OTOGL: variants seen among roughly 807,000 people sequenced by gnomAD.
OTOGL encodes otogelin-like protein.
In OTOGL, 285 loss-of-function variants were observed where a neutral mutation model predicts 318.5. The observed-to-expected ratio is 0.89, with a 90% CI of 0.81 to 0.99. The LOEUF is 0.99. Among genes scored for constraint, OTOGL ranks in the 50% least tolerant of loss-of-function variants. OTOGL has a pLI of 0.00. For missense variants in OTOGL, 2,899 were observed against 2,845.6 expected, an observed-to-expected ratio of 1.02 and a Z score of -0.43; for synonymous variants, 987 against 936.5, an observed-to-expected ratio of 1.05 and a Z score of -0.99.
At chr12:80,307,382 G>T (rs527756190) in intron 29 of OTOGL, among the ~76,000 whole-genome samples, 34 of 151,444 alleles carry the variant, frequency 2.2e-4, no homozygotes, top group African/African-American at 6.1e-4. Context: ...CAGTAGGCGC[G>T]GCCGGGCAGA....
At chr12:80,288,159 C>A (rs1884774259) in intron 26 of OTOGL, among the ~76,000 whole-genome samples, 1 of 152,038 alleles carries the variant, frequency 6.6e-6, no homozygotes, top group Non-Finnish European at 1.5e-5. Context: ...GCTTATGAAG[C>A]CTAGTTTGGC....
intron 26 of OTOGL, among the ~76,000 whole-genome samples, chr12:80,288,281 G>A (rs1884784117): frequency 1.3e-5 from 2 of 152,134 alleles, no homozygotes; most frequent in Non-Finnish European, 1.5e-5. Context: ...TTATTCTGAT[G>A]AGTTTCCGTT....
At chr12:80,368,456 G>A (rs768490366) in intron 55 of OTOGL, 147 bp downstream of exon 55, 1 of 452,930 alleles carries the variant, frequency 2.2e-6, no homozygotes, top group Non-Finnish European at 3.9e-6. Context: ...AGTTACATTT[G>A]TTACATTTTG....
intron 37 of OTOGL, among the ~76,000 whole-genome samples, chr12:80,332,492 T>C (rs1199722429): frequency 6.6e-6 from 1 of 152,176 alleles, no homozygotes; most frequent in African/African-American, 2.4e-5. Flanking sequence ...CTCCCTTTTC[T>C]ATGGGTCACT....
chr12:80,359,145 CTTCAGTTCCCTGT>C (rs773883631), intron 52 of OTOGL, among the ~76,000 whole-genome samples: 49 of 152,196 alleles, frequency 3.2e-4, no homozygotes, highest in Non-Finnish European at 6.5e-4. Context: ...CTTATATCTA[CTTCAGTTCCCTGT>C]ATTAAAATGA....
intron 1 of OTOGL, among the ~76,000 whole-genome samples, chr12:80,159,721 A>G (rs1320319386): frequency 6.6e-6 from 1 of 152,080 alleles, no homozygotes; most frequent in Non-Finnish European, 1.5e-5. Flanking sequence ...AATTGCCAAC[A>G]TCATTCTTCA....
At chr12:80,350,917 A>T (rs1261023405) in intron 44 of OTOGL, among the ~76,000 whole-genome samples, 2 of 152,098 alleles carry the variant, frequency 1.3e-5, no homozygotes, top group African/African-American at 4.8e-5. Context: ...ATGCAATCCC[A>T]TGTGTCGATT....
In OTOGL at chr12:80,296,880, C is replaced by G; in HGVS notation, c.2982C>G (p.Asp994Glu). The stretch of plus-strand genomic sequence containing the variant: ...TTGCCCAGAACAAGAAATGCTTTGA[C>G]AACGATATTGTTTGTTCTAAAAGTG... ...SVIAQNKKCF[D>E]NDIVCSKSVL... Residue 994 changes from aspartate to glutamate, a missense_variant, in exon 27 of 59, where the codon GAC (aspartate) becomes GAG (glutamate). By Grantham distance (45) the Asp-to-Glu change is conservative. This residue lies in a region of OTOGL where 2,607 missense variants were observed against 2,524.9 expected (regional missense o/e 1.03). Transcript: ENST00000547103. 1 of 1,530,512 alleles carries G rather than the reference C, an allele frequency of 6.5e-7. No homozygotes were observed. Among genetic ancestry groups the G allele is most frequent in the South Asian group, 1.2e-5 (1 of 83,552 alleles). The allele number at this position is 1,530,512 out of a possible 1,614,324, so 94.8% of individuals were successfully genotyped here.
chr12:80,353,835 G>A (rs764626840), intron 46 of OTOGL, among the ~76,000 whole-genome samples: 4 of 152,140 alleles, frequency 2.6e-5, no homozygotes, highest in Admixed American at 6.5e-5. Flanking sequence ...TTACTCCTAT[G>A]AGTCTCAGGT....
chr12:80,119,900 T>C (rs1314405465), intron 1 of OTOGL, among the ~76,000 whole-genome samples: 1 of 152,222 alleles, frequency 6.6e-6, no homozygotes, highest in Non-Finnish European at 1.5e-5. Flanking sequence ...TCAAAAACTT[T>C]CTTAGATTCA....
intron 7 of OTOGL, among the ~76,000 whole-genome samples, chr12:80,223,629 G>A (rs1409491052): frequency 6.6e-6 from 1 of 152,190 alleles, no homozygotes; most frequent in African/African-American, 2.4e-5. Context: ...AATTCTTGCA[G>A]GAATAAAGTG....
In OTOGL at chr12:80,370,662, C is replaced by T. The variant is rs1275314877; in HGVS notation, c.6708C>T (p.Pro2236=). 1 of 1,588,764 alleles carries T rather than the reference C, an allele frequency of 6.3e-7. No homozygotes were observed. Among genetic ancestry groups the T allele is most frequent in the Admixed American group, 1.7e-5 (1 of 58,482 alleles). Residue 2236 remains proline (P), a synonymous_variant, in exon 56 of 59, where the codon CCC becomes CCT. Transcript: ENST00000547103. ...TTCTGAACTACACAATGGTCTGTCC[C>T]CCTTTTAATGAGACTGAATGCAAAA... The part of the protein sequence containing the change: ...AIILNYTMVC[P]PFNETECKMN...
At chr12:80,347,908 A>G (rs1889300014) in intron 44 of OTOGL, among the ~76,000 whole-genome samples, 1 of 152,176 alleles carries the variant, frequency 6.6e-6, no homozygotes, top group Admixed American at 6.5e-5. Flanking sequence ...TGTTGGCCGC[A>G]TAAATGTCTT....
At chr12:80,305,067 A>T (rs1886016688) in intron 28 of OTOGL, among the ~76,000 whole-genome samples, 1 of 152,198 alleles carries the variant, frequency 6.6e-6, no homozygotes, top group Admixed American at 6.5e-5. Context: ...GTGGAAAAAC[A>T]AATGGTTAAC....
chr12:80,251,293 A>G lies in OTOGL; in HGVS notation c.1053-400A>G, dbSNP rs531088543. ...TTTCATATTTATTGTTTTTGTGGTG[A>G]TAGAATTTTATCTGTTTTAACAGGA... is the stretch of plus-strand genomic sequence containing the variant. On this transcript the variant is annotated intron_variant, in intron 11 of 58. Transcript: ENST00000547103. Among the ~76,000 whole-genome samples, 7 of 152,312 alleles carry G rather than the reference A, an allele frequency of 4.6e-5. 1 individual carries two copies. Among genetic ancestry groups the G allele is most frequent in the African/African-American group, 1.7e-4 (7 of 41,564 alleles).
chr12:80,239,029 CTTA>C (rs1880129626), intron 10 of OTOGL, 51 bp downstream of exon 10: 1 of 1,510,090 alleles, frequency 6.6e-7, no homozygotes, highest in Non-Finnish European at 8.8e-7. Context: ...ACACATATAT[CTTA>C]TTTGTATAAT....
intron 25 of OTOGL, 142 bp from the exon 26 acceptor site, chr12:80,278,886 G>T: frequency 1.1e-6 from 1 of 912,898 alleles, no homozygotes; most frequent in Non-Finnish European, 1.7e-6. Context: ...GTAATAGGTG[G>T]TATCAGAATG....
intron 52 of OTOGL, 63 bp from the exon 53 acceptor site, chr12:80,366,511 T>TTATAAATATATA (rs1890544429): frequency 5.8e-6 from 1 of 171,304 alleles, no homozygotes; most frequent in Admixed American, 7.1e-5. Context: ...TATATATAGG[T>TTATAAATATATA]TATATATATA....
intron 20 of OTOGL, chr12:80,265,473 T>G (rs1454256420): frequency 2.2e-6 from 1 of 456,396 alleles, no homozygotes; most frequent in Non-Finnish European, 4.0e-6. Flanking sequence ...CAGAAATAAT[T>G]TAAAACATTT....
Sources: allele counts gnomAD v4.1 joint callset (sites outside exome capture counted in the v4.1 genomes callset), GRCh38; gene constraint gnomAD v4.1.1; regional missense constraint gnomAD v4.1.1; transcripts MANE v1.5; gene names NCBI Gene and HGNC (gene_info 2026-07-23, HGNC 2026-07-21).